The following SYNJ2 variants were observed in gnomAD, a reference collection of about 807,000 sequenced individuals.
SYNJ2 encodes the protein polyphosphatidylinositol phosphatase SYNJ2.
Under a neutral mutation model 141.3 loss-of-function variants are expected in SYNJ2, and 116 were observed. The ratio of observed to expected loss-of-function variants is 0.82; its 90% confidence interval spans 0.71 to 0.96. The LOEUF is 0.96. Among genes scored for constraint, SYNJ2 ranks in the 40% least tolerant of loss-of-function variants. SYNJ2 has a pLI of 0.00. For synonymous variants in SYNJ2, 745 were observed against 777.7 expected (o/e 0.96, Z 0.70); for missense variants, 1,873 against 1,934.8 (o/e 0.97, Z 0.60).
At chr6:158,074,474 A>T in intron 15 of SYNJ2, 106 bp from the exon 16 acceptor site, 1 of 1,278,272 alleles carries the variant, frequency 7.8e-7, no homozygotes, top group Non-Finnish European at 1.1e-6. Flanking sequence ...TCTAAGTAGC[A>T]TTTTGAGAAA....
Position 158,074,565 on chromosome 6 carries a change from T to C in SYNJ2, c.2134-15T>C. On this transcript the variant is annotated splice_polypyrimidine_tract_variant and intron_variant, in intron 15 of 26. Coordinates refer to ENST00000355585, the MANE Select transcript of SYNJ2 (RefSeq NM_003898.4). ...CAAGATGGGCTGAATGATTATGATT[T>C]TCTTTTCAACTTAGGGGAGAAATGT... 6.2e-7 allele frequency: 1 copy of C among 1,607,328 alleles called. No homozygotes were observed. The highest frequency in any genetic ancestry group is 1.3e-5 in the African/African-American group (1 of 74,714).
At chr6:158,063,946 C>T in intron 9 of SYNJ2, 74 bp downstream of exon 9, 1 of 1,509,276 alleles carries the variant, frequency 6.6e-7, no homozygotes. Flanking sequence ...CTGGGCTGAG[C>T]ACCTTTAGCG....
At chr6:158,004,440 C>A (rs1403545942) in intron 1 of SYNJ2, among the ~76,000 whole-genome samples, 1 of 152,162 alleles carries the variant, frequency 6.6e-6, no homozygotes, top group East Asian at 1.9e-4. Context: ...GACACTCGCA[C>A]CAGCACCATG....
intron 4 of SYNJ2, among the ~76,000 whole-genome samples, chr6:158,035,346 A>G (rs991873326): frequency 1.3e-5 from 2 of 152,046 alleles, no homozygotes; most frequent in African/African-American, 2.4e-5. Flanking sequence ...GTCATCTCCA[A>G]TTTCTTTGAG....
At chr6:158,072,164 C>G (rs551033599) in intron 15 of SYNJ2, among the ~76,000 whole-genome samples, 88 of 152,332 alleles carry the variant, frequency 5.8e-4, no homozygotes, top group African/African-American at 2.0e-3. Flanking sequence ...TCCACACAGC[C>G]TAAGACTCCA....
chr6:158,064,544 T>C, intron 9 of SYNJ2, 57 bp from the exon 10 acceptor site: 1 of 1,594,594 alleles, frequency 6.3e-7, no homozygotes, highest in Non-Finnish European at 8.6e-7. Context: ...CCTGGGACAG[T>C]GGCTGCAGGG....
chr6:158,065,587 C>T (rs564903146), intron 11 of SYNJ2, among the ~76,000 whole-genome samples: 1 of 152,160 alleles, frequency 6.6e-6, no homozygotes, highest in African/African-American at 2.4e-5. Flanking sequence ...TAGGGGAAAC[C>T]CAGCATTTTT....
At chr6:158,041,805 C>A (rs949095170) in intron 4 of SYNJ2, among the ~76,000 whole-genome samples, 1 of 152,190 alleles carries the variant, frequency 6.6e-6, no homozygotes, top group Non-Finnish European at 1.5e-5. Context: ...TCCTCCTGGG[C>A]TCAGGTGATC....
rs187001381 is a variant in SYNJ2, at chr6:158,043,064, G to A, written c.712-252G>A. Among the ~76,000 whole-genome samples the A allele has an allele frequency of 3.4e-3, 515 of 152,242 alleles. 3 individuals are homozygous for A. Among genetic ancestry groups the A allele is most frequent in the African/African-American group, 0.011 (469 of 41,542 alleles). On this transcript the variant is annotated intron_variant, in intron 4 of 26. Coordinates refer to ENST00000355585, the MANE Select transcript of SYNJ2 (RefSeq NM_003898.4). The surrounding 1 kb of genome is among the most constrained non-coding windows in gnomAD (Gnocchi z 4.0). ...TTGTGCCCTAGAAGTGTGAATTCCCGGAGACCCTGGGAGGCCCCAACCCCC... is the reference window on the plus strand; with the variant it reads ...TTGTGCCCTAGAAGTGTGAATTCCCAGAGACCCTGGGAGGCCCCAACCCCC...
intron 5 of SYNJ2, among the ~76,000 whole-genome samples, chr6:158,050,013 C>T (rs553024736): frequency 2.0e-5 from 3 of 151,698 alleles, no homozygotes; most frequent in Non-Finnish European, 4.4e-5. Flanking sequence ...GGTATGGACA[C>T]AGCTCTGCAG....
At chr6:158,031,166 G>A (rs980342795) in intron 3 of SYNJ2, among the ~76,000 whole-genome samples, 64 of 152,318 alleles carry the variant, frequency 4.2e-4, no homozygotes, top group African/African-American at 1.4e-3. Context: ...AGCACAGAGG[G>A]GCTGTGTATT....
chr6:158,089,829 T>C lies in SYNJ2; in HGVS notation c.3457-10T>C. ...GCTGATACTCTGCTCTTCCTCATTC[T>C]GTCCTCAAGCCCAAGGCTCGGACTG... On this transcript the variant is annotated splice_polypyrimidine_tract_variant and intron_variant, in intron 24 of 26. Coordinates refer to ENST00000355585, the MANE Select transcript of SYNJ2 (RefSeq NM_003898.4). 1.2e-6 allele frequency: 2 copies of C among 1,608,022 alleles called. No homozygotes were observed. The highest frequency in any genetic ancestry group is 1.7e-6 in the Non-Finnish European group (2 of 1,175,162).
chr6:158,058,724 C>T (rs187294466), intron 6 of SYNJ2, among the ~76,000 whole-genome samples: 23 of 152,184 alleles, frequency 1.5e-4, no homozygotes, highest in Non-Finnish European at 2.6e-4. Context: ...GCCAGGAGTT[C>T]GAGACCAGCC....
At chr6:158,032,012 T>G (rs1392766639) in intron 3 of SYNJ2, among the ~76,000 whole-genome samples, 2 of 152,172 alleles carry the variant, frequency 1.3e-5, no homozygotes, top group African/African-American at 2.4e-5. Flanking sequence ...CATCTGAATT[T>G]GAGAGAGTGA....
intron 21 of SYNJ2, 142 bp from the exon 22 acceptor site, chr6:158,083,859 C>G: frequency 2.9e-6 from 3 of 1,047,026 alleles, no homozygotes; most frequent in Non-Finnish European, 4.4e-6. Flanking sequence ...ACTGGGGTAC[C>G]GTCCCTGCTG....
intron 7 of SYNJ2, among the ~76,000 whole-genome samples, chr6:158,059,779 T>A (rs1429428794): frequency 6.6e-6 from 1 of 152,184 alleles, no homozygotes; most frequent in Non-Finnish European, 1.5e-5. Flanking sequence ...GGTCAAGAAC[T>A]CCTGACCTCA....
intron 1 of SYNJ2, among the ~76,000 whole-genome samples, chr6:157,990,188 C>T (rs1222931112): frequency 6.6e-6 from 1 of 151,870 alleles, no homozygotes; most frequent in African/African-American, 2.4e-5. Flanking sequence ...GCCCCAGGCC[C>T]AGGCCGCAGG....
chr6:158,047,774 CAAAAAAAAAAAAA>C (rs58147972), intron 5 of SYNJ2, among the ~76,000 whole-genome samples: 23 of 32,386 alleles, frequency 7.1e-4, no homozygotes, highest in South Asian at 2.9e-3. Context: ...GCGACTCTGT[CAAAAAAAAAAAAA>C]AAAAAAAAAA....
chr6:158,074,955 G>A (rs1782182236), intron 16 of SYNJ2, among the ~76,000 whole-genome samples: 1 of 143,838 alleles, frequency 7.0e-6, no homozygotes, highest in African/African-American at 2.6e-5. Flanking sequence ...TCCTGAGGCA[G>A]AGTCTTGTTC....
Sources: allele counts gnomAD v4.1 joint callset (sites outside exome capture counted in the v4.1 genomes callset), GRCh38; gene constraint gnomAD v4.1.1; non-coding constraint Gnocchi (gnomAD v3.1); transcripts MANE v1.5; gene names NCBI Gene and HGNC (gene_info 2026-07-23, HGNC 2026-07-21).